The following PYCR3 variants were observed in gnomAD, a reference collection of about 807,000 sequenced individuals.
The protein encoded by PYCR3 is P5C reductase 3.
In PYCR3, 26 loss-of-function variants were observed where a neutral mutation model predicts 23.4. The observed-to-expected ratio is 1.11, with a 90% CI of 0.81 to 1.54. PYCR3 has a LOEUF of 1.54. Among genes scored for constraint, PYCR3 ranks in the 40% most tolerant of loss-of-function variants. PYCR3 has a pLI of 0.00. For missense variants in PYCR3, 360 were observed against 376.3 expected (o/e 0.96, Z 0.36); for synonymous variants, 194 against 162.6 (o/e 1.19, Z -1.47).
intron 4 of PYCR3, 147 bp from the exon 5 acceptor site, chr8:143,606,301 T>A: frequency 9.0e-7 from 1 of 1,108,050 alleles, no homozygotes; most frequent in South Asian, 1.5e-5. Context: ...GCCTCAAAGA[T>A]CCCCAAGGCA....
Position 143,606,685 on chromosome 8 carries a change from CAGAG to C in PYCR3, c.337-10_337-7del, listed in dbSNP as rs1446675532. On this transcript the variant is annotated splice_region_variant and splice_polypyrimidine_tract_variant and intron_variant, in intron 3 of 5. Transcript: ENST00000495276. ...CGTGTGTTTGGGGGCAGCAGCTGGC[CAGAG>C]AGAGGTCAGAATCAGGGAGTCTGTA... 1 of 1,578,192 alleles carries C rather than the reference CAGAG, an allele frequency of 6.3e-7. No homozygotes were observed. The highest frequency in any genetic ancestry group is 1.8e-5 in the Admixed American group (1 of 54,888).
In PYCR3 at chr8:143,605,791, A is replaced by G. The variant is rs754152047; in HGVS notation, c.734T>C (p.Leu245Pro). 151 of 1,612,072 alleles carry G rather than the reference A, an allele frequency of 9.4e-5. 2 individuals carry two copies. The South Asian group carries it at 1.6e-3, about 17-fold the overall frequency. ...CAGCCCGCCCTGCTCCAGGGCGTGG[A>G]GTCCATAGATGGTGGTGCCACCCGG... ...CTPGGTTIYG[L>P]HALEQGGLRA... Residue 245 changes from leucine to proline, a missense_variant, in exon 6 of 6, where the codon CTC becomes CCC. Coordinates refer to ENST00000495276, the MANE Select transcript of PYCR3 (RefSeq NM_023078.6).
intron 2 of PYCR3, 127 bp downstream of exon 2, chr8:143,607,935 C>A (rs916085602): frequency 1.4e-6 from 1 of 714,282 alleles, no homozygotes; most frequent in East Asian, 2.7e-5. Context: ...CAGCCCAGAC[C>A]AGCCAGTCTG....
Position 143,606,941 on chromosome 8 carries a change from A to G in PYCR3, c.336+12T>C, listed in dbSNP as rs918338607. ...ATACTGGGACCAAGGCCTTAGCCCA[A>G]GGGACACTCACCTCCTCCAGGGTGC... On this transcript the variant is annotated intron_variant, in intron 3 of 5. Coordinates refer to ENST00000495276, the MANE Select transcript of PYCR3 (RefSeq NM_023078.6). The G allele has an allele frequency of 6.3e-7, 1 of 1,586,180 alleles. No individual in the cohort carries two copies. The highest frequency in any genetic ancestry group is 8.6e-7 in the Non-Finnish European group (1 of 1,162,128).
In PYCR3 at chr8:143,608,135, A is replaced by C. The variant is rs1329788323; in HGVS notation, c.92-9T>G. On this transcript the variant is annotated splice_polypyrimidine_tract_variant and intron_variant, in intron 1 of 5. Coordinates refer to ENST00000495276, the MANE Select transcript of PYCR3 (RefSeq NM_023078.6). ...CTGAGCTTCCACTTTTCCTGGAAAG[A>C]AAGGAAAAGGAAGAGGGGTTGGTGA... 6.2e-7 allele frequency: 1 copy of C among 1,610,850 alleles called. No individual in the cohort carries two copies. The highest frequency in any genetic ancestry group is 1.3e-5 in the African/African-American group (1 of 74,986).
chr8:143,607,814 TAC>T (rs1348646733), intron 2 of PYCR3, among the ~76,000 whole-genome samples: 1 of 151,882 alleles, frequency 6.6e-6, no homozygotes, highest in Admixed American at 6.6e-5. Flanking sequence ...CACGTGCATA[TAC>T]ACACACTCAC....
At chr8:143,607,515 C>T (rs567901881) in intron 2 of PYCR3, among the ~76,000 whole-genome samples, 4 of 152,186 alleles carry the variant, frequency 2.6e-5, no homozygotes, top group African/African-American at 7.2e-5. Context: ...AGCACAAACA[C>T]ATGCACACAC....
chr8:143,607,956 C>A, intron 2 of PYCR3, 106 bp downstream of exon 2: 2 of 861,696 alleles, frequency 2.3e-6, no homozygotes, highest in Admixed American at 2.3e-5. Context: ...CAAACTTCAG[C>A]TAAATAAACC....
chr8:143,609,460 G>T lies in PYCR3; in HGVS notation c.89C>A (p.Ala30Glu). 1.3e-6 allele frequency: 2 copies of T among 1,508,856 alleles called. No individual in the cohort carries two copies. Among genetic ancestry groups the T allele is most frequent in the South Asian group, 1.2e-5 (1 of 81,704 alleles). 93.5% of individuals were successfully genotyped at this position (1,508,856 alleles called of 1,614,324 possible). The change falls in exon 1 of 6, where the codon GCA becomes GAA. Residue 30 changes from alanine to glutamate, a missense_variant and splice_region_variant. Ala to Glu is a moderately radical substitution (Grantham distance 107). Coordinates refer to ENST00000495276, the MANE Select transcript of PYCR3 (RefSeq NM_023078.6). ...AGAIAQGLIRAGKVEAQHILA... is the reference protein window; with the variant it reads ...AGAIAQGLIREGKVEAQHILA... ...GGCCTAGCCCCGCGCCGCCCCACCT[G>T]CTCTGATGAGGCCCTGCGCGATGGC...
At chr8:143,608,328 C>T (rs748603390) in intron 1 of PYCR3, 7 of 585,290 alleles carry the variant, frequency 1.2e-5, no homozygotes, top group African/African-American at 3.7e-5. Context: ...TGGCGGTCAA[C>T]GCCCCTGACT....
At position 143,604,598 on chromosome 8, in the gene PYCR3, C is replaced by T; in HGVS notation, c.*1102G>A. 1 of 306,950 alleles carries T rather than the reference C, an allele frequency of 3.3e-6. No homozygotes were observed. 19.0% of individuals were successfully genotyped at this position (306,950 alleles called of 1,614,324 possible). A position where few individuals can be genotyped will look rare whatever the true frequency, so the allele number is the denominator to read the frequency against. ...ACCTCCAGAGGCTGTTGGGCGGAAG[C>T]CGAGAGCTGCAGCAGTTGGGGCCAG... On this transcript the variant is annotated 3_prime_UTR_variant, in exon 6 of 6. Coordinates refer to ENST00000495276, the MANE Select transcript of PYCR3 (RefSeq NM_023078.6).
rs1323501273 is a variant in PYCR3 at position 143,604,748 on chromosome 8, CCT to C, written c.*950_*951del. 19 of 396,574 alleles carry C rather than the reference CCT, an allele frequency of 4.8e-5. No homozygotes were observed. The highest frequency in any genetic ancestry group is 2.3e-4 in the East Asian group (3 of 13,232). The allele number at this position is 396,574 out of a possible 1,614,324, so 24.6% of individuals were successfully genotyped here. A position where few individuals can be genotyped will look rare whatever the true frequency, so the allele number is the denominator to read the frequency against. On this transcript the variant is annotated 3_prime_UTR_variant, in exon 6 of 6. Coordinates refer to ENST00000495276, the MANE Select transcript of PYCR3 (RefSeq NM_023078.6). ...TTCAATCCTGGGGGTTTGCTTCTCC[CCT>C]GAGTCCTGGCTTTCCTGACCTGCCG...
chr8:143,604,923 G>A lies in PYCR3; in HGVS notation c.*777C>T, dbSNP rs961658259. The A allele has an allele frequency of 3.9e-6, 2 of 510,788 alleles. No homozygotes were observed. Among genetic ancestry groups the A allele is most frequent in the African/African-American group, 1.9e-5 (1 of 51,826 alleles). 31.6% of individuals were successfully genotyped at this position (510,788 alleles called of 1,614,324 possible). A position where few individuals can be genotyped will look rare whatever the true frequency, so the allele number is the denominator to read the frequency against. The stretch of plus-strand genomic sequence containing the variant: ...GGCCACTTGTCAGGAGCTTAGGATT[G>A]GGAGGAAAGAGGGAGCCTGTATCCA... On this transcript the variant is annotated 3_prime_UTR_variant, in exon 6 of 6. Coordinates refer to ENST00000495276, the MANE Select transcript of PYCR3 (RefSeq NM_023078.6).
intron 1 of PYCR3, chr8:143,608,643 G>T (rs1829463784): frequency 6.4e-6 from 2 of 314,554 alleles, no homozygotes; most frequent in Admixed American, 8.6e-5. Context: ...TTAGATTTTG[G>T]TAAGGTCGAA....
chr8:143,606,596 C>T lies in PYCR3; in HGVS notation c.420G>A (p.Arg140=). ...TCTCGCTGCTCCCCACGTGGCGGCCCCGCGCCATCACTATGGCCCCTTCCT... is the reference window on the plus strand; with the variant it reads ...TCTCGCTGCTCCCCACGTGGCGGCCTCGCGCCATCACTATGGCCCCTTCCT... ...VVQEGAIVMA[R]GRHVGSSETK... is the part of the protein sequence containing the mutation. The change falls in exon 4 of 6, where the codon CGG becomes CGA. Residue 140 remains arginine, a synonymous_variant. Transcript: ENST00000495276. 1 of 1,612,068 alleles carries T rather than the reference C, an allele frequency of 6.2e-7. No homozygotes were observed. The highest frequency in any genetic ancestry group is 8.5e-7 in the Non-Finnish European group (1 of 1,179,638).
At chr8:143,608,014 G>T in intron 2 of PYCR3, 48 bp downstream of exon 2, 1 of 1,399,986 alleles carries the variant, frequency 7.1e-7, no homozygotes, top group Non-Finnish European at 1.0e-6. Flanking sequence ...GGAGCCAAGA[G>T]CTATCCTGGG....
At chr8:143,608,480 T>G in intron 1 of PYCR3, 1 of 365,434 alleles carries the variant, frequency 2.7e-6, no homozygotes, top group Non-Finnish European at 5.1e-6. Context: ...GGGAATGTGG[T>G]GGGTACAAAG....
In PYCR3 at chr8:143,605,814, C is replaced by T. The variant is rs142897666; in HGVS notation, c.711G>A (p.Pro237=). 3.3e-5 allele frequency: 53 copies of T among 1,612,038 alleles called. No homozygotes were observed. Among genetic ancestry groups the T allele is most frequent in the Middle Eastern group, 3.5e-4 (2 of 5,796 alleles). Residue 237 remains proline, a synonymous_variant, in exon 6 of 6, where the codon CCG becomes CCA. Transcript: ENST00000495276. The part of the protein sequence containing the change: ...PAQLRSDVCT[P]GGTTIYGLHA... ...GGAGTCCATAGATGGTGGTGCCACC[C>T]GGGGTGCACACGTCTGAGCGCAGCT... is the stretch of plus-strand genomic sequence containing the variant.
intron 3 of PYCR3, 117 bp from the exon 4 acceptor site, chr8:143,606,796 TC>T: frequency 7.5e-7 from 1 of 1,334,830 alleles, no homozygotes; most frequent in Non-Finnish European, 1.0e-6. Context: ...AGCGTCTGCC[TC>T]CCAGGTACAG....
Sources: allele counts gnomAD v4.1 joint callset (sites outside exome capture counted in the v4.1 genomes callset), GRCh38; gene constraint gnomAD v4.1.1; transcripts MANE v1.5; gene names NCBI Gene and HGNC (gene_info 2026-07-23, HGNC 2026-07-21).